TTC29: variants seen among roughly 807,000 people sequenced by gnomAD.
TTC29 encodes the protein tetratricopeptide repeat protein 29.
TTC29 carries 49 observed loss-of-function variants against 58.1 expected under a neutral mutation model. The ratio of observed to expected loss-of-function variants is 0.84; its 90% CI spans 0.67 to 1.07. The LOEUF (loss-of-function observed/expected upper bound fraction) is 1.07, where lower values mean the gene tolerates loss of function less well. Among genes scored for constraint, TTC29 ranks in the 50% least tolerant of loss-of-function variants. The probability of loss-of-function intolerance (pLI) is 0.00; values close to 1 mark genes in which losing one functional copy is unlikely to be tolerated. For synonymous variants in TTC29, 209 were observed against 196.8 expected (o/e 1.06, Z -0.52); for missense variants, 582 against 555.6 (o/e 1.05, Z -0.48).
At chr4:146,774,333 G>A (rs1747939952) in intron 11 of TTC29, among the ~76,000 whole-genome samples, 1 of 152,044 alleles carries the variant, frequency 6.6e-6, no homozygotes, top group Non-Finnish European at 1.5e-5. Flanking sequence ...TTGTTAATGA[G>A]AGATCTTTCT....
intron 11 of TTC29, among the ~76,000 whole-genome samples, chr4:146,796,656 G>T (rs1250412435): frequency 6.6e-6 from 1 of 152,042 alleles, no homozygotes; most frequent in Non-Finnish European, 1.5e-5. Context: ...AAGCCATCTG[G>T]AATTTTTCCT....
At chr4:146,859,189 G>T (rs1204093927) in intron 8 of TTC29, among the ~76,000 whole-genome samples, 1 of 152,000 alleles carries the variant, frequency 6.6e-6, no homozygotes, top group Non-Finnish European at 1.5e-5. Flanking sequence ...ACTACAGATA[G>T]AATAAATGGG....
rs569487666 is a variant in TTC29, at chr4:146,803,740, A to C, written c.1102-55T>G. Reference sequence around the variant, plus strand: ...CTTACTTTTAATGTCACCATTTCACATATTTTCTGACCTTACCCTGGCATG... The same window carrying C: ...CTTACTTTTAATGTCACCATTTCACCTATTTTCTGACCTTACCCTGGCATG... On this transcript the variant is annotated intron_variant, in intron 10 of 12. Transcript: ENST00000325106. 8 of 1,403,822 alleles carry C rather than the reference A, an allele frequency of 5.7e-6. No homozygotes were observed. In the South Asian group the frequency reaches 8.5e-5, roughly 15 times the overall value. The allele number at this position is 1,403,822 out of a possible 1,614,324, so 87.0% of individuals were successfully genotyped here.
At chr4:146,834,877 G>A (rs764016826) in intron 8 of TTC29, among the ~76,000 whole-genome samples, 45 of 152,170 alleles carry the variant, frequency 3.0e-4, no homozygotes, top group Non-Finnish European at 4.9e-4. Context: ...AGGCTATTGC[G>A]ACACTTCAAA....
chr4:146,803,419 A>G, intron 11 of TTC29, 38 bp downstream of exon 11: 4 of 1,329,858 alleles, frequency 3.0e-6, no homozygotes, highest in Non-Finnish European at 4.1e-6. Flanking sequence ...ATTGAGAATG[A>G]TATGAAAACT....
At chr4:146,743,725 C>A (rs1254689902) in intron 11 of TTC29, among the ~76,000 whole-genome samples, 1 of 152,150 alleles carries the variant, frequency 6.6e-6, no homozygotes, top group East Asian at 1.9e-4. Flanking sequence ...TTAGAAGATA[C>A]AAAATTTGTA....
chr4:146,771,336 G>C (rs927885227), intron 11 of TTC29, among the ~76,000 whole-genome samples: 22 of 152,024 alleles, frequency 1.4e-4, no homozygotes, highest in African/African-American at 4.6e-4. Flanking sequence ...TGGGGCTTTA[G>C]TGTACAGATT....
At chr4:146,728,275 G>C (rs1408737720) in intron 11 of TTC29, among the ~76,000 whole-genome samples, 2 of 150,046 alleles carry the variant, frequency 1.3e-5, no homozygotes, top group African/African-American at 2.5e-5. Flanking sequence ...AACAGAGTGA[G>C]AGCCCATCTC....
chr4:146,851,780 T>C (rs374124260), intron 8 of TTC29, among the ~76,000 whole-genome samples: 2 of 152,122 alleles, frequency 1.3e-5, no homozygotes, highest in South Asian at 4.1e-4. Context: ...AGCTAGGAAG[T>C]TACATCATAA....
At chr4:146,778,227 T>C (rs1335828095) in intron 11 of TTC29, among the ~76,000 whole-genome samples, 1 of 152,168 alleles carries the variant, frequency 6.6e-6, no homozygotes, top group African/African-American at 2.4e-5. Flanking sequence ...TCATATACTT[T>C]ATTTATTTTT....
chr4:146,837,321 CAACAGACACTGGGGACCTGCTTGAG>C (rs1015141903), intron 8 of TTC29, among the ~76,000 whole-genome samples: 3 of 151,910 alleles, frequency 2.0e-5, no homozygotes, highest in African/African-American at 7.2e-5. Flanking sequence ...AAGAAGGGAA[CAACAGACACTGGGGACCTGCTTGAG>C]AATGGAGGGT....
intron 6 of TTC29, among the ~76,000 whole-genome samples, chr4:146,881,819 GGAAAACAAA>G (rs1398426576): frequency 6.6e-6 from 1 of 151,996 alleles, no homozygotes; most frequent in Non-Finnish European, 1.5e-5. Context: ...ATGGAACACT[GGAAAACAAA>G]GATTTTGTTC....
intron 6 of TTC29, 41 bp from the exon 7 acceptor site, chr4:146,874,969 G>A (rs570998767): frequency 2.3e-5 from 35 of 1,542,738 alleles, no homozygotes; most frequent in Middle Eastern, 1.7e-4. Context: ...ACCAGAGGAC[G>A]GAACGTATTT....
intron 6 of TTC29, among the ~76,000 whole-genome samples, chr4:146,899,056 C>T (rs1554031444): frequency 4.6e-5 from 7 of 152,134 alleles, no homozygotes; most frequent in Non-Finnish European, 1.5e-5. Flanking sequence ...TGTGGTAAAC[C>T]CTACTGCTAG....
At chr4:146,786,230 G>A (rs1220083608) in intron 11 of TTC29, among the ~76,000 whole-genome samples, 2 of 152,128 alleles carry the variant, frequency 1.3e-5, no homozygotes, top group African/African-American at 2.4e-5. Context: ...TTTAGAGGTC[G>A]CCTTACCTTG....
chr4:146,726,959 CTGTT>C (rs1244227636), intron 11 of TTC29, among the ~76,000 whole-genome samples: 1 of 151,974 alleles, frequency 6.6e-6, no homozygotes, highest in Admixed American at 6.6e-5. Flanking sequence ...AGTGAAAAAT[CTGTT>C]TGAAATCCTT....
At chr4:146,821,985 G>GT (rs34100285) in intron 9 of TTC29, among the ~76,000 whole-genome samples, 12,002 of 109,424 alleles carry the variant, frequency 0.11, 836 homozygotes, top group Non-Finnish European at 0.16. Context: ...CATGTCTAGT[G>GT]TTTTTTTTTT....
At chr4:146,749,917 A>C (rs1299678374) in intron 11 of TTC29, among the ~76,000 whole-genome samples, 2 of 152,250 alleles carry the variant, frequency 1.3e-5, no homozygotes, top group Non-Finnish European at 2.9e-5. Flanking sequence ...AAAAACTGCC[A>C]GCCAAGAATA....
intron 8 of TTC29, among the ~76,000 whole-genome samples, chr4:146,835,494 A>G (rs1728447027): frequency 6.6e-6 from 1 of 152,168 alleles, no homozygotes; most frequent in Non-Finnish European, 1.5e-5. Context: ...GTTTAAAGTA[A>G]AGATTGAATA....
Sources: allele counts gnomAD v4.1 joint callset (sites outside exome capture counted in the v4.1 genomes callset), GRCh38; gene constraint gnomAD v4.1.1; transcripts MANE v1.5; gene names NCBI Gene and HGNC (gene_info 2026-07-23, HGNC 2026-07-21).